The following TOM1L2 variants were observed in gnomAD, a reference collection of about 807,000 sequenced individuals.
TOM1L2 encodes the protein target of myb1 like 2 membrane trafficking protein, also known as TOM1-like protein 2.
A neutral mutation model predicts 67.9 loss-of-function variants in TOM1L2; 31 were observed. That is an observed-to-expected ratio of 0.46 (90% CI 0.34 to 0.62). The LOEUF (loss-of-function observed/expected upper bound fraction) is 0.62. Among genes scored for constraint, TOM1L2 ranks in the 20% least tolerant of loss-of-function variants. The pLI, the probability that TOM1L2 is intolerant of heterozygous loss-of-function variation, is 0.01. For missense variants in TOM1L2, 606 were observed against 663.5 expected, an observed-to-expected ratio of 0.91 and a Z score of 0.95; for synonymous variants, 256 against 254.0, an observed-to-expected ratio of 1.01 and a Z score of -0.07.
At chr17:17,908,832 T>C (rs1406127042) in intron 1 of TOM1L2, among the ~76,000 whole-genome samples, 1 of 152,180 alleles carries the variant, frequency 6.6e-6, no homozygotes, top group South Asian at 2.1e-4. Context: ...CCTTTACACT[T>C]TTGATGGAAA....
chr17:17,866,898 G>A lies in TOM1L2; in HGVS notation c.938C>T (p.Ser313Phe). The change falls in exon 9 of 15, where the codon TCC (serine) becomes TTC (phenylalanine). Residue 313 changes from serine (S) to phenylalanine (F), a missense_variant. Transcript: ENST00000379504. ...TACTCCATTACTGGCATTTTGAACG[G>A]ATCGGCCAGACCTGTATCGTTCGAA... The part of the protein sequence containing the change: ...ERFERYRSGR[S>F]VQNASNGVLN... The A allele has an allele frequency of 6.2e-7, 1 of 1,614,014 alleles. No individual in the cohort carries two copies. The highest frequency in any genetic ancestry group is 2.2e-5 in the East Asian group (1 of 44,882).
At chr17:17,894,152 T>C (rs2038440044) in intron 3 of TOM1L2, among the ~76,000 whole-genome samples, 2 of 152,186 alleles carry the variant, frequency 1.3e-5, no homozygotes, top group Admixed American at 6.5e-5. Context: ...TTAACTCCTC[T>C]CTCTGGGCCT....
chr17:17,955,299 C>T (rs992985351), intron 1 of TOM1L2, among the ~76,000 whole-genome samples: 4 of 149,110 alleles, frequency 2.7e-5, no homozygotes, highest in South Asian at 2.1e-4. Flanking sequence ...CTAGTGGGAA[C>T]GGCAGGACCC....
intron 1 of TOM1L2, among the ~76,000 whole-genome samples, chr17:17,971,640 A>G (rs900283662): frequency 1.3e-5 from 2 of 152,262 alleles, no homozygotes; most frequent in African/African-American, 4.8e-5. Flanking sequence ...AGGGTTTGGG[A>G]GAACTGGGTC....
At position 17,844,874 on chromosome 17, in the gene TOM1L2, T is replaced by A. The variant is rs2035560595; in HGVS notation, c.*2761A>T. ...TTAACCTATAATCAGGTATAATTAGTGCTTATAAGGAATCCCAGCAATAAT... is the reference window on the plus strand; with the variant it reads ...TTAACCTATAATCAGGTATAATTAGAGCTTATAAGGAATCCCAGCAATAAT... On this transcript the variant is annotated 3_prime_UTR_variant, in exon 15 of 15. Coordinates refer to ENST00000379504, the MANE Select transcript of TOM1L2 (RefSeq NM_001082968.2). 2 of 152,428 alleles carry A rather than the reference T, an allele frequency of 1.3e-5. No individual in the cohort carries two copies. The highest frequency in any genetic ancestry group is 4.8e-5 in the African/African-American group (2 of 41,464). 9.4% of individuals were successfully genotyped at this position (152,428 alleles called of 1,614,324 possible).
At chr17:17,948,797 G>A (rs1189831410) in intron 1 of TOM1L2, among the ~76,000 whole-genome samples, 2 of 152,052 alleles carry the variant, frequency 1.3e-5, no homozygotes, top group African/African-American at 4.8e-5. Context: ...AGGGGTCCTA[G>A]GAAGGGCTTG....
chr17:17,848,831 G>A lies in TOM1L2; in HGVS notation c.1367C>T (p.Thr456Ile). Residue 456 changes from threonine to isoleucine, a missense_variant, in exon 14 of 15, where the codon ACA becomes ATA. Transcript: ENST00000379504. ...CACTGGCCAGGCCATACCTTCACTTGTGACACCCTCCTCCAGATCATCACC... is the reference window on the plus strand; with the variant it reads ...CACTGGCCAGGCCATACCTTCACTTATGACACCCTCCTCCAGATCATCACC... ...LKGDDLEEGV[T>I]SEEFDKFLEE... The A allele has an allele frequency of 1.9e-6, 3 of 1,614,164 alleles. No homozygotes were observed. The highest frequency in any genetic ancestry group is 1.7e-6 in the Non-Finnish European group (2 of 1,180,036).
At chr17:17,925,860 A>G (rs2040061757) in intron 1 of TOM1L2, among the ~76,000 whole-genome samples, 1 of 150,966 alleles carries the variant, frequency 6.6e-6, no homozygotes, top group Non-Finnish European at 1.5e-5. Context: ...GTCTCAAAAA[A>G]AAAAAAAAAA....
intron 3 of TOM1L2, 45 bp downstream of exon 3, chr17:17,898,551 G>A (rs2038690099): frequency 1.2e-6 from 2 of 1,603,376 alleles, no homozygotes; most frequent in Non-Finnish European, 1.7e-6. Flanking sequence ...CCAGGAGCAA[G>A]GAGTTCCCCA....
At chr17:17,941,804 C>T (rs772921498) in intron 1 of TOM1L2, among the ~76,000 whole-genome samples, 8 of 152,206 alleles carry the variant, frequency 5.3e-5, no homozygotes, top group Non-Finnish European at 1.2e-4. Flanking sequence ...CACAGATAAC[C>T]TATGAACCTC....
intron 7 of TOM1L2, among the ~76,000 whole-genome samples, chr17:17,870,238 C>G (rs563106550): frequency 6.6e-6 from 1 of 152,176 alleles, no homozygotes; most frequent in Admixed American, 6.5e-5. Flanking sequence ...CCCTGGAGCC[C>G]TCTCTACCCT....
intron 12 of TOM1L2, among the ~76,000 whole-genome samples, chr17:17,853,184 T>A (rs2036081384): frequency 6.6e-6 from 1 of 152,200 alleles, no homozygotes; most frequent in African/African-American, 2.4e-5. Context: ...GGAGGACGCA[T>A]GCCATGCTGA....
chr17:17,959,410 A>T (rs554178812), intron 1 of TOM1L2, among the ~76,000 whole-genome samples: 1 of 152,338 alleles, frequency 6.6e-6, no homozygotes, highest in East Asian at 1.9e-4. Flanking sequence ...TACATCACAG[A>T]CACCCTCTCT....
At chr17:17,967,661 CA>C (rs1318938331) in intron 1 of TOM1L2, among the ~76,000 whole-genome samples, 1 of 152,106 alleles carries the variant, frequency 6.6e-6, no homozygotes, top group Non-Finnish European at 1.5e-5. Flanking sequence ...GGCTGGAGTG[CA>C]AATGGCACGA....
intron 4 of TOM1L2, among the ~76,000 whole-genome samples, chr17:17,889,585 C>T (rs1021543987): frequency 2.6e-5 from 4 of 152,124 alleles, no homozygotes; most frequent in African/African-American, 9.7e-5. Context: ...CTGCCAGGAC[C>T]CCCAACCATG....
intron 14 of TOM1L2, 67 bp downstream of exon 14, chr17:17,848,756 G>A: frequency 3.2e-6 from 5 of 1,570,018 alleles, no homozygotes; most frequent in Non-Finnish European, 4.4e-6. Flanking sequence ...GATGATGGGG[G>A]CTGGCTCCTG....
intron 13 of TOM1L2, among the ~76,000 whole-genome samples, chr17:17,849,966 G>C (rs969573582): frequency 6.6e-6 from 1 of 152,210 alleles, no homozygotes; most frequent in African/African-American, 2.4e-5. Context: ...GCCCAGAGCA[G>C]CCAGAGGCCC....
At chr17:17,872,069 G>A in intron 7 of TOM1L2, 1 of 985,310 alleles carries the variant, frequency 1.0e-6, no homozygotes. Context: ...GGATTGCCAG[G>A]CAATAATGGC....
At chr17:17,852,710 A>G (rs989418237) in intron 12 of TOM1L2, among the ~76,000 whole-genome samples, 4 of 152,046 alleles carry the variant, frequency 2.6e-5, no homozygotes, top group African/African-American at 9.7e-5. Context: ...TACTAAAAAT[A>G]CAAAATTAGT....
Sources: gnomAD v4.1 joint callset for allele counts (sites outside exome capture counted in the v4.1 genomes callset) on GRCh38, gnomAD v4.1.1 for gene constraint, MANE v1.5 for transcripts, NCBI Gene and HGNC (gene_info 2026-07-23, HGNC 2026-07-21) for gene names.